Variants in FAAH2 observed in about 807,000 individuals in gnomAD.
The protein encoded by FAAH2 is fatty-acid amide hydrolase 2.
A neutral mutation model predicts 36.9 loss-of-function variants in FAAH2; 60 were observed. That is an observed-to-expected ratio of 1.63 (90% CI 1.32 to 2.02). The LOEUF is 2.02. Ranked by LOEUF, FAAH2 falls within the 30% of genes most tolerant of loss-of-function variation. FAAH2 has a pLI of 0.00. For synonymous variants in FAAH2, 214 were observed against 143.8 expected (o/e 1.49, Z -3.49); for missense variants, 689 against 397.5 (o/e 1.73, Z -6.23).
chrX:57,381,108 C>A, intron 7 of FAAH2, 79 bp downstream of exon 7: 1 of 692,475 alleles, frequency 1.4e-6, no homozygotes, highest in Non-Finnish European at 2.2e-6. Context: ...TCACTTACTG[C>A]CAAATATTTC....
At position 57,408,545 on chromosome X, in the gene FAAH2, A is replaced by ATTTC. The variant is rs2055622577; in HGVS notation, c.997-23370_997-23369insCTTT. On this transcript the variant is annotated intron_variant, in intron 7 of 10. Coordinates refer to ENST00000374900, the MANE Select transcript of FAAH2 (RefSeq NM_174912.4). ...TTTCCAATTTGCATGCTATTTATTT[A>ATTTC]TTTATTTATTTATTTATTTATTTGC... Among the ~76,000 whole-genome samples, 5 of 108,144 alleles carry ATTTC rather than the reference A, an allele frequency of 4.6e-5. No homozygotes were observed. In the East Asian group the frequency reaches 1.4e-3, roughly 31 times the overall value. The allele number at this position is 108,144 out of a possible 115,157, so 93.9% of individuals were successfully genotyped here.
chrX:57,306,656 C>T (rs1050669796), intron 2 of FAAH2, among the ~76,000 whole-genome samples: 35 of 100,448 alleles, frequency 3.5e-4, no homozygotes, highest in Non-Finnish European at 6.6e-4. Flanking sequence ...TTTCACTTGG[C>T]TCAAGTGTTC....
At chrX:57,187,723 A>T in the FAAH2 span, among the ~76,000 whole-genome samples, 269 of 111,220 alleles carry the variant, frequency 2.4e-3, 1 homozygote, top group Middle Eastern at 0.014. Flanking sequence ...AGCCCTTATT[A>T]TTTTGAGATA....
intron 7 of FAAH2, among the ~76,000 whole-genome samples, chrX:57,395,627 A>T (rs1163672493): frequency 1.8e-5 from 2 of 112,059 alleles, no homozygotes; most frequent in African/African-American, 6.5e-5. Context: ...TGAGATGATC[A>T]TGTAGTGTTT....
At chrX:57,376,184 C>A (rs2054671518) in intron 5 of FAAH2, among the ~76,000 whole-genome samples, 1 of 111,066 alleles carries the variant, frequency 9.0e-6, no homozygotes, top group Middle Eastern at 4.7e-3. Flanking sequence ...TGATACTGAT[C>A]ATTTTTGTTT....
At chrX:57,372,684 C>T (rs371989654) in intron 5 of FAAH2, among the ~76,000 whole-genome samples, 5 of 110,903 alleles carry the variant, frequency 4.5e-5, no homozygotes, top group African/African-American at 9.8e-5. Context: ...AAAATATACT[C>T]GCCATAAAAC....
At chrX:57,246,664 A>T in the FAAH2 span, among the ~76,000 whole-genome samples, 1 of 112,321 alleles carries the variant, frequency 8.9e-6, no homozygotes, top group African/African-American at 3.2e-5. Flanking sequence ...AGCATTGCAT[A>T]ATAAAAATCA....
the FAAH2 span, among the ~76,000 whole-genome samples, chrX:57,261,837 T>C: frequency 9.0e-6 from 1 of 110,941 alleles, no homozygotes; most frequent in South Asian, 3.7e-4. Flanking sequence ...TAATTCATAA[T>C]TAAGATGAGA....
the FAAH2 span, among the ~76,000 whole-genome samples, chrX:57,256,749 T>G: frequency 3.6e-5 from 4 of 111,758 alleles, no homozygotes; most frequent in East Asian, 8.4e-4. Context: ...ATCATCAGAG[T>G]GAACAGGCAA....
chrX:57,268,787 C>T, the FAAH2 span, among the ~76,000 whole-genome samples: 1 of 111,942 alleles, frequency 8.9e-6, no homozygotes, highest in Non-Finnish European at 1.9e-5. Context: ...TACAAAAACA[C>T]ACTGAAGTAC....
At chrX:57,416,293 C>G (rs1230102444) in intron 7 of FAAH2, among the ~76,000 whole-genome samples, 1 of 111,178 alleles carries the variant, frequency 9.0e-6, no homozygotes, top group African/African-American at 3.3e-5. Flanking sequence ...TTATTTTGCT[C>G]CCTAGTTGAT....
chrX:57,317,328 C>G (rs970790090), intron 3 of FAAH2, among the ~76,000 whole-genome samples: 2 of 112,204 alleles, frequency 1.8e-5, no homozygotes, highest in African/African-American at 6.5e-5. Flanking sequence ...GAATATTTAT[C>G]AAGCAAATGT....
At chrX:57,382,035 T>G (rs771939939) in intron 7 of FAAH2, among the ~76,000 whole-genome samples, 8 of 111,225 alleles carry the variant, frequency 7.2e-5, no homozygotes, top group African/African-American at 9.8e-5. Flanking sequence ...TCAAAACCGC[T>G]TAACTACATG....
the FAAH2 span, among the ~76,000 whole-genome samples, chrX:57,218,747 T>C: frequency 8.9e-6 from 1 of 112,123 alleles, no homozygotes; most frequent in Admixed American, 9.4e-5. Context: ...TCTCTATATA[T>C]CTTGTGGAAT....
intron 9 of FAAH2, among the ~76,000 whole-genome samples, chrX:57,447,630 G>A (rs1400961265): frequency 8.9e-6 from 1 of 112,252 alleles, no homozygotes; most frequent in South Asian, 3.7e-4. Flanking sequence ...AGCCACCAAG[G>A]TTTGGGGCTT....
the FAAH2 span, chrX:57,137,140 C>T: frequency 1.3e-6 from 1 of 766,615 alleles, no homozygotes; most frequent in South Asian, 6.2e-5. Flanking sequence ...CCAACTCCAC[C>T]CCATGTCTCC....
chrX:57,208,841 A>T, the FAAH2 span, among the ~76,000 whole-genome samples: 1 of 112,263 alleles, frequency 8.9e-6, no homozygotes. Flanking sequence ...TAGGGCACAG[A>T]TCGCTCACGC....
chrX:57,419,475 T>A (rs1040286786), intron 7 of FAAH2, among the ~76,000 whole-genome samples: 2 of 112,535 alleles, frequency 1.8e-5, no homozygotes, highest in East Asian at 5.6e-4. Flanking sequence ...CCAGTGATGG[T>A]GAGCATTTTT....
chrX:57,121,825 G>T, the FAAH2 span: 1 of 112,216 alleles, frequency 8.9e-6, no homozygotes, highest in Non-Finnish European at 1.9e-5. Flanking sequence ...CTTGGAATTC[G>T]CCTTGCTGCC....
Sources: gnomAD v4.1 joint callset for allele counts (sites outside exome capture counted in the v4.1 genomes callset) on GRCh38, gnomAD v4.1.1 for gene constraint, MANE v1.5 for transcripts, NCBI Gene and HGNC (gene_info 2026-07-23, HGNC 2026-07-21) for gene names.